CNTN5: variants seen among roughly 807,000 people sequenced by gnomAD.
CNTN5 encodes the protein contactin-5.
In CNTN5, 77 loss-of-function variants were observed where a neutral mutation model predicts 129.1. The ratio of observed to expected loss-of-function variants is 0.60; its 90% CI spans 0.50 to 0.72. The LOEUF is 0.72. CNTN5 is among the 30% of genes least tolerant of loss of function. The pLI, the probability that CNTN5 is intolerant of heterozygous loss-of-function variation, is 0.00. For missense variants in CNTN5, 1,478 were observed against 1,328.8 expected, an observed-to-expected ratio of 1.11 and a Z score of -1.75; for synonymous variants, 509 against 465.6, an observed-to-expected ratio of 1.09 and a Z score of -1.20.
intron 21 of CNTN5, among the ~76,000 whole-genome samples, chr11:100,313,239 G>A (rs889774924): frequency 6.6e-6 from 1 of 151,930 alleles, no homozygotes; most frequent in Non-Finnish European, 1.5e-5. Flanking sequence ...GGAAAGAAAG[G>A]TCAGAGAATT....
intron 8 of CNTN5, among the ~76,000 whole-genome samples, chr11:99,966,125 T>TA (rs928281953): frequency 1.6e-4 from 24 of 152,090 alleles, no homozygotes; most frequent in South Asian, 8.3e-4. Flanking sequence ...TAGAGCTGGC[T>TA]AAAAAAAATC....
intron 18 of CNTN5, among the ~76,000 whole-genome samples, chr11:100,278,975 C>A (rs1459050395): frequency 6.6e-6 from 1 of 151,876 alleles, no homozygotes; most frequent in African/African-American, 2.4e-5. Context: ...GAGTTATATT[C>A]CTTCTATACC....
intron 7 of CNTN5, among the ~76,000 whole-genome samples, chr11:99,922,221 G>C (rs1405344191): frequency 6.6e-6 from 1 of 152,140 alleles, no homozygotes; most frequent in Non-Finnish European, 1.5e-5. Flanking sequence ...CCTTTCTAAA[G>C]CCACCAGATC....
intron 1 of CNTN5, among the ~76,000 whole-genome samples, chr11:99,066,373 G>C (rs568214582): frequency 5.6e-4 from 85 of 152,222 alleles, no homozygotes; most frequent in African/African-American, 2.0e-3. Context: ...CAAAGTGCTA[G>C]GATTACAGGC....
rs114419328 is a variant in CNTN5, at chr11:100,095,711, G to T, written c.1580+21417G>T. On this transcript the variant is annotated intron_variant, in intron 13 of 24. Transcript: ENST00000524871. The stretch of plus-strand genomic sequence containing the variant: ...CAATCAGTAATTTAGTCTCAAGTTT[G>T]GTCTTAGGCAAGATCTACATGTAAG... Among the ~76,000 whole-genome samples the T allele has an allele frequency of 6.4e-3, 975 of 152,126 alleles. 11 individuals carry two copies. Among genetic ancestry groups the T allele is most frequent in the African/African-American group, 0.023 (935 of 41,524 alleles).
At chr11:100,156,765 A>G (rs1467128455) in intron 13 of CNTN5, among the ~76,000 whole-genome samples, 1 of 151,876 alleles carries the variant, frequency 6.6e-6, no homozygotes, top group South Asian at 2.1e-4. Context: ...TTTCTTCTAG[A>G]TTTTCTAGCT....
intron 9 of CNTN5, among the ~76,000 whole-genome samples, chr11:100,038,575 A>G (rs1002681001): frequency 3.3e-5 from 5 of 151,984 alleles, no homozygotes; most frequent in Admixed American, 2.0e-4. Flanking sequence ...AGGTGTTAAA[A>G]TCTCCCATTA....
chr11:99,763,170 ATGTATT>A (rs1944644968), intron 3 of CNTN5, among the ~76,000 whole-genome samples: 1 of 152,074 alleles, frequency 6.6e-6, no homozygotes, highest in African/African-American at 2.4e-5. Context: ...ATTTACTTAA[ATGTATT>A]TGTAATTATT....
intron 3 of CNTN5, among the ~76,000 whole-genome samples, chr11:99,743,584 T>G (rs532523379): frequency 2.6e-5 from 4 of 152,198 alleles, no homozygotes; most frequent in Admixed American, 2.0e-4. Flanking sequence ...AAGTAATGAG[T>G]GTTTCTTACA....
intron 7 of CNTN5, 68 bp downstream of exon 7, chr11:99,916,217 A>G (rs916100958): frequency 2.4e-6 from 3 of 1,243,762 alleles, no homozygotes; most frequent in African/African-American, 1.5e-5. Flanking sequence ...TCTTTTAGAC[A>G]GTATATTGAT....
chr11:99,976,760 T>A (rs917523513), intron 8 of CNTN5, among the ~76,000 whole-genome samples: 1 of 152,222 alleles, frequency 6.6e-6, no homozygotes. Flanking sequence ...CTTAGCCCTG[T>A]TATGGGACAG....
chr11:99,333,995 CACAG>C (rs1437108513), intron 2 of CNTN5, among the ~76,000 whole-genome samples: 2 of 136,350 alleles, frequency 1.5e-5, no homozygotes, highest in African/African-American at 5.6e-5. Flanking sequence ...CACACACACA[CACAG>C]TGCATTGTAT....
At chr11:99,491,531 G>A (rs1443718931) in intron 2 of CNTN5, among the ~76,000 whole-genome samples, 1 of 152,164 alleles carries the variant, frequency 6.6e-6, no homozygotes, top group African/African-American at 2.4e-5. Context: ...GATACTGACA[G>A]TTAAGGTAGG....
intron 18 of CNTN5, among the ~76,000 whole-genome samples, chr11:100,285,824 C>G (rs1021515424): frequency 2.6e-5 from 4 of 152,292 alleles, no homozygotes; most frequent in African/African-American, 9.6e-5. Flanking sequence ...CGGGTGATTT[C>G]TGCATTTCCA....
chr11:99,424,069 C>T (rs768699602), intron 2 of CNTN5, among the ~76,000 whole-genome samples: 16 of 152,030 alleles, frequency 1.1e-4, no homozygotes, highest in African/African-American at 1.4e-4. Context: ...TTTTCCTATA[C>T]GTACATACAT....
At chr11:100,035,770 T>C (rs1290893108) in intron 9 of CNTN5, among the ~76,000 whole-genome samples, 2 of 151,816 alleles carry the variant, frequency 1.3e-5, no homozygotes, top group Non-Finnish European at 1.5e-5. Context: ...AAATGTCTTC[T>C]TTTGAGAAGT....
At chr11:99,598,359 TCTCTCTCTCTCTCTCC>T (rs1278490188) in intron 3 of CNTN5, among the ~76,000 whole-genome samples, 20,775 of 59,768 alleles carry the variant, frequency 0.35, 6,837 homozygotes, top group Middle Eastern at 0.47. Flanking sequence ...TCTCTCTCTC[TCTCTCTCTCTCTCTCC>T]CTCTCTCTCT....
chr11:99,393,919 T>C (rs1022218101), intron 2 of CNTN5, among the ~76,000 whole-genome samples: 1 of 151,704 alleles, frequency 6.6e-6, no homozygotes, highest in Admixed American at 6.6e-5. Context: ...TAGGTACACA[T>C]CAAACTGTTT....
At chr11:100,005,263 C>G (rs976762550) in intron 9 of CNTN5, among the ~76,000 whole-genome samples, 1 of 152,016 alleles carries the variant, frequency 6.6e-6, no homozygotes, top group Non-Finnish European at 1.5e-5. Flanking sequence ...ATGCCTTATC[C>G]TGTCCCCCCC....
Sources: gnomAD v4.1 joint callset for allele counts (sites outside exome capture counted in the v4.1 genomes callset) on GRCh38, gnomAD v4.1.1 for gene constraint, MANE v1.5 for transcripts, NCBI Gene and HGNC (gene_info 2026-07-23, HGNC 2026-07-21) for gene names.